Variants in RPS6KA2 observed in about 807,000 individuals in gnomAD.
RPS6KA2 encodes ribosomal protein S6 kinase alpha-2.
RPS6KA2 carries 42 observed loss-of-function variants against 91.8 expected under a neutral mutation model. The ratio of observed to expected loss-of-function variants is 0.46; its 90% CI spans 0.36 to 0.59. RPS6KA2 has a LOEUF of 0.59. Among genes scored for constraint, RPS6KA2 ranks in the 20% least tolerant of loss-of-function variants. The pLI is 0.00. For missense variants in RPS6KA2, 798 were observed against 978.5 expected (o/e 0.82, Z 2.46); for synonymous variants, 414 against 393.6 (o/e 1.05, Z -0.61).
At chr6:166,566,730 C>A (rs1784516971) in intron 1 of RPS6KA2, among the ~76,000 whole-genome samples, 1 of 152,208 alleles carries the variant, frequency 6.6e-6, no homozygotes, top group Non-Finnish European at 1.5e-5. Flanking sequence ...GTCTCTCAGC[C>A]AGGAGCTACC....
intron 2 of RPS6KA2, among the ~76,000 whole-genome samples, chr6:166,725,229 C>T (rs936259720): frequency 7.9e-5 from 12 of 152,070 alleles, no homozygotes; most frequent in Non-Finnish European, 8.8e-5. Context: ...TTTTATGTCA[C>T]TCCATTATCT....
chr6:166,593,478 T>C (rs971615612), intron 1 of RPS6KA2, among the ~76,000 whole-genome samples: 2 of 152,218 alleles, frequency 1.3e-5, no homozygotes, highest in Non-Finnish European at 1.5e-5. Context: ...AAAATTATAA[T>C]ATAGCCAGCA....
At chr6:166,631,291 T>TG (rs1787067801), upstream of RPS6KA2, among the ~76,000 whole-genome samples, 1 of 152,194 alleles carries the variant, frequency 6.6e-6, no homozygotes, top group African/African-American at 2.4e-5. Context: ...GAGAGGCAGG[T>TG]GGAAACCCAC....
intron 2 of RPS6KA2, among the ~76,000 whole-genome samples, chr6:166,746,615 C>T (rs181343969): frequency 6.6e-6 from 1 of 152,218 alleles, no homozygotes; most frequent in East Asian, 1.9e-4. Flanking sequence ...CAGAAGGCTA[C>T]CCCTCACTTC....
chr6:166,683,917 C>T (rs1186713121), intron 2 of RPS6KA2, among the ~76,000 whole-genome samples: 2 of 152,114 alleles, frequency 1.3e-5, no homozygotes, highest in Non-Finnish European at 2.9e-5. Context: ...ACAACAGCCA[C>T]GGCACCTCCC....
intron 11 of RPS6KA2, 109 bp downstream of exon 11, chr6:166,469,732 G>A (rs569344533): frequency 4.1e-5 from 41 of 1,011,090 alleles, no homozygotes; most frequent in South Asian, 6.5e-5. Flanking sequence ...ATTCACCTCC[G>A]ACCTACTTGT....
At chr6:166,676,569 A>G (rs767372318) in intron 2 of RPS6KA2, among the ~76,000 whole-genome samples, 5 of 152,158 alleles carry the variant, frequency 3.3e-5, no homozygotes, top group Non-Finnish European at 7.3e-5. Context: ...CTCCATGTAG[A>G]ACTTGTAACC....
At chr6:166,585,629 G>T (rs1181959469) in intron 1 of RPS6KA2, among the ~76,000 whole-genome samples, 1 of 50,558 alleles carries the variant, frequency 2.0e-5, no homozygotes, top group Non-Finnish European at 3.1e-5. Flanking sequence ...CTTAACAAAT[G>T]CAAAAAAAAA....
intron 2 of RPS6KA2, among the ~76,000 whole-genome samples, chr6:166,716,103 G>C (rs1201658804): frequency 6.8e-6 from 1 of 146,740 alleles, no homozygotes; most frequent in Non-Finnish European, 1.5e-5. Context: ...CTCACTTCAA[G>C]TCATTGTAAG....
chr6:166,861,122 G>C (rs1345577761), intron 1 of RPS6KA2, among the ~76,000 whole-genome samples: 1 of 152,258 alleles, frequency 6.6e-6, no homozygotes, highest in Non-Finnish European at 1.5e-5. Context: ...GAAGCATTCA[G>C]TAAATTCTCT....
At chr6:166,627,259 C>A (rs1786926304), upstream of RPS6KA2, 1 of 1,010,464 alleles carries the variant, frequency 9.9e-7, no homozygotes, top group Non-Finnish European at 1.2e-6. Flanking sequence ...AGTACCAGCG[C>A]CGGCCACGCG....
chr6:166,833,691 C>A (rs774675403), intron 2 of RPS6KA2, among the ~76,000 whole-genome samples: 2 of 152,142 alleles, frequency 1.3e-5, no homozygotes, highest in Non-Finnish European at 2.9e-5. Flanking sequence ...TGCAGTCACC[C>A]CTGGTTTGTT....
At chr6:166,818,825 C>T (rs945502984) in intron 2 of RPS6KA2, among the ~76,000 whole-genome samples, 2 of 152,016 alleles carry the variant, frequency 1.3e-5, no homozygotes, top group South Asian at 2.1e-4. Context: ...TGTGTCCTCT[C>T]TACGTGTTCC....
chr6:166,466,382 A>G (rs1358369220), intron 11 of RPS6KA2, among the ~76,000 whole-genome samples: 1 of 152,238 alleles, frequency 6.6e-6, no homozygotes, highest in East Asian at 1.9e-4. Context: ...CAGGCATCTC[A>G]CAAGGTTGTC....
At chr6:166,708,019 C>T (rs1031938608) in intron 2 of RPS6KA2, among the ~76,000 whole-genome samples, 6 of 152,308 alleles carry the variant, frequency 3.9e-5, no homozygotes, top group African/African-American at 7.2e-5. Flanking sequence ...GCTGAGATTA[C>T]AGGCATGAGC....
intron 10 of RPS6KA2, among the ~76,000 whole-genome samples, chr6:166,478,749 C>T (rs1024483570): frequency 2.6e-5 from 4 of 152,138 alleles, no homozygotes; most frequent in Admixed American, 1.3e-4. Flanking sequence ...ACACCCTTCC[C>T]GGCCACAGGC....
intron 1 of RPS6KA2, among the ~76,000 whole-genome samples, chr6:166,607,443 T>C (rs1785994417): frequency 6.6e-6 from 1 of 152,206 alleles, no homozygotes; most frequent in Non-Finnish European, 1.5e-5. Context: ...CAGTGGAATA[T>C]TACTTGGCAA....
rs1412295174 is a variant in RPS6KA2 at position 166,448,905 on chromosome 6, G to A, written c.1207-56C>T. 2.5e-6 allele frequency: 4 copies of A among 1,595,670 alleles called. No homozygotes were observed. The highest frequency in any genetic ancestry group is 3.4e-6 in the Non-Finnish European group (4 of 1,167,144). Reference sequence around the variant, plus strand: ...CGGAACCCTCACACGAGGGGACGGTGCAGCTACACGCACACAGAATGTGGG... The same window carrying A: ...CGGAACCCTCACACGAGGGGACGGTACAGCTACACGCACACAGAATGTGGG... On this transcript the variant is annotated intron_variant, in intron 13 of 20. Transcript: ENST00000265678. This position sits in a 1 kb window ranked among gnomAD's most constrained non-coding sequence, Gnocchi z 4.7.
chr6:166,430,365 C>T, intron 16 of RPS6KA2, 88 bp downstream of exon 16: 2 of 1,190,110 alleles, frequency 1.7e-6, no homozygotes, highest in Non-Finnish European at 2.4e-6. Context: ...TCCGCGTTCT[C>T]AGCTCTTGAA....
Sources: allele counts gnomAD v4.1 joint callset (sites outside exome capture counted in the v4.1 genomes callset), GRCh38; gene constraint gnomAD v4.1.1; non-coding constraint Gnocchi (gnomAD v3.1); transcripts MANE v1.5; gene names NCBI Gene and HGNC (gene_info 2026-07-23, HGNC 2026-07-21).